The following TRDN variants were observed in gnomAD, a reference collection of about 807,000 sequenced individuals.
The protein encoded by TRDN is triadin in skeletal muscle.
Under a neutral mutation model 149.7 loss-of-function variants are expected in TRDN, and 161 were observed. That is an observed-to-expected ratio of 1.08 (90% confidence interval 0.95 to 1.23). The LOEUF is 1.23. Ranked by LOEUF, TRDN falls within the 50% of genes most tolerant of loss-of-function variation. The pLI, the probability that TRDN is intolerant of heterozygous loss-of-function variation, is 0.00. For missense variants in TRDN, 896 were observed against 823.5 expected (o/e 1.09, Z -1.08); for synonymous variants, 294 against 250.5 (o/e 1.17, Z -1.64).
chr6:123,448,639 C>T (rs761514303), intron 10 of TRDN, among the ~76,000 whole-genome samples: 1 of 152,098 alleles, frequency 6.6e-6, no homozygotes, highest in Non-Finnish European at 1.5e-5. Flanking sequence ...TTTGATGGTC[C>T]TTCCCTACCC....
intron 15 of TRDN, 142 bp downstream of exon 15, chr6:123,381,976 T>TCTCTCTCG (rs1781738848): frequency 3.6e-6 from 2 of 558,482 alleles, no homozygotes; most frequent in East Asian, 3.5e-5. Context: ...TCTCTCTCTC[T>TCTCTCTCG]CTCTCTCTCT....
intron 9 of TRDN, among the ~76,000 whole-genome samples, chr6:123,472,465 A>G (rs989908574): frequency 9.2e-5 from 14 of 152,212 alleles, no homozygotes; most frequent in African/African-American, 2.4e-4. Context: ...CTAGCACAGC[A>G]GTCTGAGATC....
At chr6:123,496,410 A>G (rs796212545) in intron 9 of TRDN, among the ~76,000 whole-genome samples, 13 of 152,084 alleles carry the variant, frequency 8.5e-5, no homozygotes, top group African/African-American at 3.1e-4. Flanking sequence ...GAAAATAAAA[A>G]TATAGCTGTC....
intron 22 of TRDN, among the ~76,000 whole-genome samples, chr6:123,337,161 A>C (rs1471856807): frequency 6.6e-6 from 1 of 152,066 alleles, no homozygotes; most frequent in Non-Finnish European, 1.5e-5. Context: ...CAGAATGCAG[A>C]GTTCTAATTA....
rs1312606304 is a variant in TRDN at position 123,328,153 on chromosome 6, T to C, written c.1471+3726A>G. ...AATCCTGACTAGCCAACACAACTTG[T>C]TCTTCATTCCTTCTCTCACCCAGAA... On this transcript the variant is annotated intron_variant, in intron 23 of 40. Transcript: ENST00000334268. Among the ~76,000 whole-genome samples, 4 of 152,318 alleles carry C rather than the reference T, an allele frequency of 2.6e-5. No homozygotes were observed. The East Asian group carries it at 7.7e-4, about 29-fold the overall frequency.
chr6:123,454,731 TAGG>T (rs1200430592), intron 10 of TRDN, among the ~76,000 whole-genome samples: 2 of 152,208 alleles, frequency 1.3e-5, no homozygotes, highest in Non-Finnish European at 2.9e-5. Flanking sequence ...TAGATTCTCA[TAGG>T]AGAGCAAACC....
intron 1 of TRDN, among the ~76,000 whole-genome samples, chr6:123,606,806 G>A (rs981002248): frequency 6.6e-6 from 1 of 152,104 alleles, no homozygotes; most frequent in Non-Finnish European, 1.5e-5. Flanking sequence ...GGTTAGATGT[G>A]CTAGTTATAT....
rs183621388 is a variant in TRDN, at chr6:123,605,799, G to T, written c.22+30955C>A. Among the ~76,000 whole-genome samples the T allele has an allele frequency of 1.3e-4, 20 of 152,072 alleles. 1 individual carries two copies. The East Asian group carries it at 3.9e-3, about 29-fold the overall frequency. Reference sequence around the variant, plus strand: ...AAAAGCTTTTTAATAATAAAAGATTGCATTCCTGAAGAAATTAATATTTGT... The same window carrying T: ...AAAAGCTTTTTAATAATAAAAGATTTCATTCCTGAAGAAATTAATATTTGT... On this transcript the variant is annotated intron_variant, in intron 1 of 40. Coordinates refer to ENST00000334268, the MANE Select transcript of TRDN (RefSeq NM_006073.4).
At chr6:123,411,249 G>T (rs1391377241) in intron 12 of TRDN, among the ~76,000 whole-genome samples, 2 of 151,886 alleles carry the variant, frequency 1.3e-5, no homozygotes, top group South Asian at 2.1e-4. Context: ...CTTTCTCCGT[G>T]TTGGCAGGGC....
rs192046305 is a variant in TRDN at position 123,230,803 on chromosome 6, A to T, written c.1976-6672T>A. Among the ~76,000 whole-genome samples, 94 of 152,112 alleles carry T rather than the reference A, an allele frequency of 6.2e-4. 1 individual carries two copies. Among genetic ancestry groups the T allele is most frequent in the African/African-American group, 2.2e-3 (92 of 41,542 alleles). ...TTTTTAAAAATTTCAGTCTAGCTTT[A>T]CAGTCAAAGTGAATATTACCTTGAA... On this transcript the variant is annotated intron_variant, in intron 38 of 40. Coordinates refer to ENST00000334268, the MANE Select transcript of TRDN (RefSeq NM_006073.4).
At chr6:123,275,306 A>AAGAAGAGG (rs1348627989) in intron 26 of TRDN, among the ~76,000 whole-genome samples, 2 of 152,110 alleles carry the variant, frequency 1.3e-5, no homozygotes, top group Non-Finnish European at 2.9e-5. Context: ...TTGTCCTTAT[A>AAGAAGAGG]AGAAGAGGAA....
chr6:123,629,223 AACAG>A (rs1363396045), intron 1 of TRDN, among the ~76,000 whole-genome samples: 2 of 152,148 alleles, frequency 1.3e-5, no homozygotes, highest in Non-Finnish European at 2.9e-5. Context: ...TTTCAAAGGC[AACAG>A]ACAATTTTCC....
At chr6:123,574,532 A>G (rs1247057710) in intron 1 of TRDN, among the ~76,000 whole-genome samples, 2 of 151,966 alleles carry the variant, frequency 1.3e-5, no homozygotes, top group Non-Finnish European at 1.5e-5. Context: ...AACCTTTGGA[A>G]TAATGATTTG....
chr6:123,497,247 A>G lies in TRDN; in HGVS notation c.799T>C (p.Tyr267His). 2 of 1,538,490 alleles carry G rather than the reference A, an allele frequency of 1.3e-6. No individual in the cohort carries two copies. The highest frequency in any genetic ancestry group is 1.7e-6 in the Non-Finnish European group (2 of 1,145,246). The change falls in exon 9 of 41, where the codon TAT becomes CAT. Residue 267 changes from tyrosine (Y) to histidine (H), a missense_variant. Transcript: ENST00000334268. ...TCAATCATATATCGACAGAATGCATACTGATCTGACAGAGTAGAAAGAAAA... is the reference window on the plus strand; with the variant it reads ...TCAATCATATATCGACAGAATGCATGCTGATCTGACAGAGTAGAAAGAAAA... Reference protein sequence around the residue: ...AVSKHEQKDQYAFCRYMIDIF... With the variant: ...AVSKHEQKDQHAFCRYMIDIF...
intron 26 of TRDN, among the ~76,000 whole-genome samples, chr6:123,276,562 C>T (rs1777374651): frequency 6.6e-6 from 1 of 152,244 alleles, no homozygotes; most frequent in African/African-American, 2.4e-5. Flanking sequence ...AATTCTCAGC[C>T]TATCTAGACA....
At chr6:123,339,798 C>G (rs371918371) in intron 21 of TRDN, among the ~76,000 whole-genome samples, 5 of 152,220 alleles carry the variant, frequency 3.3e-5, no homozygotes, top group African/African-American at 9.6e-5. Flanking sequence ...TTCTTTTTAC[C>G]GGCATGTTTC....
intron 4 of TRDN, among the ~76,000 whole-genome samples, chr6:123,538,236 A>C (rs1450985683): frequency 2.0e-5 from 3 of 152,192 alleles, no homozygotes; most frequent in Admixed American, 1.3e-4. Flanking sequence ...TATTAAAAAA[A>C]CAAATTATTT....
chr6:123,225,263 C>T (rs1445171383), intron 38 of TRDN, among the ~76,000 whole-genome samples: 1 of 151,566 alleles, frequency 6.6e-6, no homozygotes, highest in African/African-American at 2.4e-5. Context: ...GAAAAGGGAA[C>T]TCTTGTTCAC....
chr6:123,539,697 A>G (rs1780730131), intron 4 of TRDN, among the ~76,000 whole-genome samples: 2 of 152,206 alleles, frequency 1.3e-5, no homozygotes, highest in South Asian at 4.1e-4. Context: ...TGATATATAT[A>G]TTAACTTAGT....
Sources: allele counts gnomAD v4.1 joint callset (sites outside exome capture counted in the v4.1 genomes callset), GRCh38; gene constraint gnomAD v4.1.1; transcripts MANE v1.5; gene names NCBI Gene and HGNC (gene_info 2026-07-23, HGNC 2026-07-21).